Variants in HS1BP3 observed in about 807,000 individuals in gnomAD.
HS1BP3 encodes HCLS1 binding protein 3.
In HS1BP3, 32 loss-of-function variants were observed where a neutral mutation model predicts 33.5. The ratio of observed to expected loss-of-function variants is 0.95; its 90% CI spans 0.72 to 1.28. The LOEUF is 1.28. Among genes scored for constraint, HS1BP3 ranks in the 50% most tolerant of loss-of-function variants. The pLI is 0.00. For missense variants in HS1BP3, 486 were observed against 502.3 expected (o/e 0.97, Z 0.31); for synonymous variants, 187 against 209.2 (o/e 0.89, Z 0.92).
chr2:20,649,583 C>T (rs1314586375), intron 1 of HS1BP3, among the ~76,000 whole-genome samples: 1 of 152,222 alleles, frequency 6.6e-6, no homozygotes, highest in African/African-American at 2.4e-5. Context: ...GGCCAGTACC[C>T]GGTACAGAGA....
intron 1 of HS1BP3, among the ~76,000 whole-genome samples, chr2:20,650,209 G>A (rs932324112): frequency 1.3e-5 from 2 of 152,212 alleles, no homozygotes; most frequent in Non-Finnish European, 2.9e-5. Flanking sequence ...TGGGTAACAC[G>A]TTCATTTATG....
chr2:20,641,756 A>T (rs746832715), intron 2 of HS1BP3, among the ~76,000 whole-genome samples: 1 of 152,222 alleles, frequency 6.6e-6, no homozygotes, highest in Non-Finnish European at 1.5e-5. Flanking sequence ...ATCAGAAGGC[A>T]GCCTTGAGCA....
At chr2:20,607,718 G>A (rs60585683) in intron 2 of HS1BP3, among the ~76,000 whole-genome samples, 2,168 of 152,286 alleles carry the variant, frequency 0.014, 35 homozygotes, top group African/African-American at 0.042. Context: ...TTTGAAGATT[G>A]CTTTAGCTAT....
intron 4 of HS1BP3, among the ~76,000 whole-genome samples, chr2:20,630,878 G>C (rs1475864766): frequency 6.6e-6 from 1 of 152,216 alleles, no homozygotes; most frequent in Non-Finnish European, 1.5e-5. Context: ...TAGCTGGGCA[G>C]CAGGTGCATG....
intron 2 of HS1BP3, 103 bp downstream of exon 2, chr2:20,645,237 A>C: frequency 8.5e-7 from 1 of 1,180,174 alleles, no homozygotes; most frequent in Non-Finnish European, 1.2e-6. Flanking sequence ...ACAGACAGAG[A>C]AGCACTTGCT....
chr2:20,568,218 G>A (rs1240718326), intron 5 of HS1BP3, among the ~76,000 whole-genome samples: 3 of 152,202 alleles, frequency 2.0e-5, no homozygotes, highest in Non-Finnish European at 2.9e-5. Flanking sequence ...GCTGGGGGGT[G>A]CGGGGTAGGG....
At chr2:20,591,406 A>G (rs112932028), downstream of HS1BP3, among the ~76,000 whole-genome samples, 493 of 152,334 alleles carry the variant, frequency 3.2e-3, 3 homozygotes, top group Non-Finnish European at 5.6e-3. Flanking sequence ...AGCCTCAAAC[A>G]TAGGTGTGGC....
rs146727092 is a variant in HS1BP3, at chr2:20,645,464, G to A, written c.74C>T (p.Pro25Leu). ...NAHTGLDLTV[P>L]QHQEVRGKMM... ...CTTGCCCCGTACCTCCTGGTGCTGG[G>A]GCACAGTCAGGTCGAGGCCAGTGTG... Residue 25 changes from proline (P) to leucine (L), a missense_variant, in exon 2 of 7, where the codon CCC becomes CTC. By Grantham distance (98) the Pro-to-Leu change is moderately conservative. Coordinates refer to ENST00000304031, the MANE Select transcript of HS1BP3 (RefSeq NM_022460.4). 1 of 1,613,928 alleles carries A rather than the reference G, an allele frequency of 6.2e-7. No homozygotes were observed. Among genetic ancestry groups the A allele is most frequent in the African/African-American group, 1.3e-5 (1 of 75,036 alleles).
rs7596314 is a variant in HS1BP3 at position 20,638,800 on chromosome 2, A to T, written c.407-148T>A. On this transcript the variant is annotated intron_variant, in intron 3 of 6. Coordinates refer to ENST00000304031, the MANE Select transcript of HS1BP3 (RefSeq NM_022460.4). ...ACCAAACTCGTCCCTCCTGGGACCT[A>T]AGCAGGATGGCGAGTCTGGGTGGAT... 4 of 628,978 alleles carry T rather than the reference A, an allele frequency of 6.4e-6. No individual in the cohort carries two copies. The African/African-American group carries it at 7.3e-5, about 12-fold the overall frequency. 39.0% of individuals were successfully genotyped at this position (628,978 alleles called of 1,614,324 possible).
chr2:20,643,795 T>C (rs140534067), intron 2 of HS1BP3, among the ~76,000 whole-genome samples: 2 of 152,122 alleles, frequency 1.3e-5, no homozygotes, highest in Non-Finnish European at 2.9e-5. Context: ...AAGCTGGGCA[T>C]GGTGGTGTGT....
chr2:20,575,305 A>C (rs1324886989), intron 5 of HS1BP3, among the ~76,000 whole-genome samples: 1 of 152,232 alleles, frequency 6.6e-6, no homozygotes, highest in Non-Finnish European at 1.5e-5. Flanking sequence ...CTGGACAGGC[A>C]GGGCTAGGGA....
At chr2:20,583,695 G>A (rs1263869361) in intron 5 of HS1BP3, among the ~76,000 whole-genome samples, 1 of 152,202 alleles carries the variant, frequency 6.6e-6, no homozygotes, top group Non-Finnish European at 1.5e-5. Context: ...CTCCGTCCCT[G>A]TGAGTCCCCC....
chr2:20,557,396 A>G (rs74568717), downstream of HS1BP3, among the ~76,000 whole-genome samples: 1,229 of 152,262 alleles, frequency 8.1e-3, 16 homozygotes, highest in African/African-American at 0.029. Context: ...TTGACCCTCT[A>G]TGGAGACTCT....
chr2:20,632,878 A>G (rs540920498), intron 4 of HS1BP3, among the ~76,000 whole-genome samples: 1 of 152,374 alleles, frequency 6.6e-6, no homozygotes, highest in South Asian at 2.1e-4. Context: ...TGCACATCAC[A>G]GTGACTGATA....
intron 5 of HS1BP3, among the ~76,000 whole-genome samples, chr2:20,577,108 A>C (rs560920520): frequency 4.6e-5 from 7 of 152,326 alleles, no homozygotes; most frequent in African/African-American, 9.6e-5. Flanking sequence ...AGGGCTTGTC[A>C]CTGGGCCTAG....
intron 5 of HS1BP3, among the ~76,000 whole-genome samples, chr2:20,561,038 T>C (rs981396655): frequency 6.6e-6 from 1 of 152,208 alleles, no homozygotes; most frequent in Non-Finnish European, 1.5e-5. Context: ...TACCCCCAGC[T>C]GGCATCCCAG....
downstream of HS1BP3, among the ~76,000 whole-genome samples, chr2:20,615,882 T>C (rs1694413288): frequency 6.6e-6 from 1 of 152,150 alleles, no homozygotes; most frequent in South Asian, 2.1e-4. Flanking sequence ...TAGTCCCAGA[T>C]ACATTGTATG....
At chr2:20,621,081 G>A (rs956407842) in intron 6 of HS1BP3, among the ~76,000 whole-genome samples, 1 of 152,270 alleles carries the variant, frequency 6.6e-6, no homozygotes, top group South Asian at 2.1e-4. Context: ...GTGGGAATGA[G>A]AATGAACAGG....
intron 5 of HS1BP3, among the ~76,000 whole-genome samples, chr2:20,572,759 C>A (rs1693305692): frequency 6.6e-6 from 1 of 152,198 alleles, no homozygotes; most frequent in East Asian, 1.9e-4. Flanking sequence ...CAGCTCCCAG[C>A]CTGTCCTTCC....
Sources: gnomAD v4.1 joint callset for allele counts (sites outside exome capture counted in the v4.1 genomes callset) on GRCh38, gnomAD v4.1.1 for gene constraint, MANE v1.5 for transcripts, NCBI Gene and HGNC (gene_info 2026-07-23, HGNC 2026-07-21) for gene names.